CSMD1: variants seen among roughly 807,000 people sequenced by gnomAD.
CSMD1 encodes the protein CUB and sushi domain-containing protein 1.
A neutral mutation model predicts 417.5 loss-of-function variants in CSMD1; 213 were observed. The ratio of observed to expected loss-of-function variants is 0.51; its 90% CI spans 0.46 to 0.57. CSMD1 has a LOEUF of 0.57. CSMD1 is among the 20% of genes least tolerant of loss of function. The pLI is 0.00. For synonymous variants in CSMD1, 2,862 were observed against 1,736.8 expected, an observed-to-expected ratio of 1.65 and a Z score of -16.11; for missense variants, 6,923 against 4,529.7, an observed-to-expected ratio of 1.53 and a Z score of -15.17.
At chr8:4,176,113 G>T (rs978185966) in intron 3 of CSMD1, among the ~76,000 whole-genome samples, 3 of 152,120 alleles carry the variant, frequency 2.0e-5, no homozygotes, top group African/African-American at 7.2e-5. Context: ...CTTGTAGACA[G>T]AAAGTCTCAA....
At chr8:4,939,093 G>T (rs994883727) in intron 1 of CSMD1, among the ~76,000 whole-genome samples, 3 of 152,142 alleles carry the variant, frequency 2.0e-5, no homozygotes, top group African/African-American at 7.2e-5. Flanking sequence ...TCTGCGGGTT[G>T]CCTCTTTATT....
intron 2 of CSMD1, among the ~76,000 whole-genome samples, chr8:4,468,806 A>C (rs1246434657): frequency 6.6e-6 from 1 of 152,158 alleles, no homozygotes; most frequent in African/African-American, 2.4e-5. Flanking sequence ...GATAATCAAT[A>C]ATTATTGTAT....
chr8:4,159,779 G>A (rs369451852), intron 3 of CSMD1, among the ~76,000 whole-genome samples: 1 of 152,104 alleles, frequency 6.6e-6, no homozygotes, highest in Non-Finnish European at 1.5e-5. Flanking sequence ...TAGTAGAGAT[G>A]GGGTTTCACC....
In CSMD1 at chr8:3,107,787, T is replaced by G. The variant is rs531624208; in HGVS notation, c.6766A>C (p.Lys2256Gln). ...FVLNFHAFQL[K>Q]KCQPPPAVPQ... ...ACCGCTGGGGGAGGTTGACATTTCT[T>G]GAGCTGAAATGCTAAATGATTAATG... The change falls in exon 45 of 70, where the codon AAG becomes CAG. Residue 2256 changes from lysine (K) to glutamine (Q), a missense_variant. Physicochemically the swap from Lys to Gln is moderately conservative, Grantham distance 53. Coordinates refer to ENST00000635120, the MANE Select transcript of CSMD1 (RefSeq NM_033225.6). 6.3e-7 allele frequency: 1 copy of G among 1,577,764 alleles called. No homozygotes were observed. Among genetic ancestry groups the G allele is most frequent in the East Asian group, 2.3e-5 (1 of 43,484 alleles).
intron 14 of CSMD1, among the ~76,000 whole-genome samples, chr8:3,406,476 T>C (rs1812349127): frequency 6.6e-6 from 1 of 152,164 alleles, no homozygotes; most frequent in Admixed American, 6.5e-5. Context: ...AAAAGCACTT[T>C]TCATAGGAGC....
intron 7 of CSMD1, among the ~76,000 whole-genome samples, chr8:3,656,921 T>C (rs1252390254): frequency 9.6e-6 from 1 of 104,266 alleles, no homozygotes; most frequent in African/African-American, 4.7e-5. Flanking sequence ...CAAGACTCTG[T>C]CTAAAAAAAA....
At chr8:4,963,641 G>T (rs1809664613) in intron 1 of CSMD1, among the ~76,000 whole-genome samples, 1 of 152,200 alleles carries the variant, frequency 6.6e-6, no homozygotes, top group Non-Finnish European at 1.5e-5. Flanking sequence ...TCAGGTGGAA[G>T]ATAATACGTG....
intron 32 of CSMD1, among the ~76,000 whole-genome samples, 154 bp from the exon 33 acceptor site, chr8:3,199,963 T>G (rs1016674612): frequency 6.6e-6 from 1 of 152,218 alleles, no homozygotes; most frequent in Non-Finnish European, 1.5e-5. Context: ...ATATGTTGTT[T>G]TTATAAAGAT....
chr8:4,536,857 T>A (rs1184014010), intron 2 of CSMD1, among the ~76,000 whole-genome samples: 1 of 152,240 alleles, frequency 6.6e-6, no homozygotes, highest in Non-Finnish European at 1.5e-5. Flanking sequence ...TTTTGCATTT[T>A]GCACAATAGT....
intron 2 of CSMD1, among the ~76,000 whole-genome samples, chr8:4,612,918 T>G (rs1801261907): frequency 6.6e-6 from 1 of 152,152 alleles, no homozygotes; most frequent in African/African-American, 2.4e-5. Context: ...GGCAGAGATT[T>G]TATGTACTAA....
In CSMD1 at chr8:3,408,229, T is replaced by G; in HGVS notation, c.1745-4A>C. 2 of 1,584,050 alleles carry G rather than the reference T, an allele frequency of 1.3e-6. No individual in the cohort carries two copies. Among genetic ancestry groups the G allele is most frequent in the Non-Finnish European group, 1.7e-6 (2 of 1,161,976 alleles). On this transcript the variant is annotated splice_region_variant and splice_polypyrimidine_tract_variant and intron_variant, in intron 13 of 69. Coordinates refer to ENST00000635120, the MANE Select transcript of CSMD1 (RefSeq NM_033225.6). Reference sequence around the variant, plus strand: ...GTAAAGTTGAAGAAACATGAAACTGTGAAGATGCAAATATATTTTCAAACA... The same window carrying G: ...GTAAAGTTGAAGAAACATGAAACTGGGAAGATGCAAATATATTTTCAAACA...
At chr8:4,459,622 GT>G (rs1799688578) in intron 2 of CSMD1, among the ~76,000 whole-genome samples, 1 of 152,148 alleles carries the variant, frequency 6.6e-6, no homozygotes, top group African/African-American at 2.4e-5. Flanking sequence ...AGATCGCATT[GT>G]GGGTTAGAAC....
chr8:3,408,074 C>G lies in CSMD1; in HGVS notation c.1896G>C (p.Glu632Asp). Residue 632 changes from glutamate to aspartate, a missense_variant, in exon 14 of 70, where the codon GAG becomes GAC. Coordinates refer to ENST00000635120, the MANE Select transcript of CSMD1 (RefSeq NM_033225.6). ...TGACCGCGAGAAAGTCAAACTGAGG[C>G]TCAACATCAAAATCATTAAAGATTA... ...IHLIFNDFDV[E>D]PQFDFLAVKD... is the part of the protein sequence containing the mutation. 1 of 1,613,850 alleles carries G rather than the reference C, an allele frequency of 6.2e-7. No individual in the cohort carries two copies. Among genetic ancestry groups the G allele is most frequent in the Non-Finnish European group, 8.5e-7 (1 of 1,179,874 alleles).
chr8:4,035,819 T>C (rs1797586537), intron 3 of CSMD1, among the ~76,000 whole-genome samples: 1 of 152,142 alleles, frequency 6.6e-6, no homozygotes, highest in Admixed American at 6.5e-5. Flanking sequence ...TTTATACATT[T>C]AGTGTACTCT....
At chr8:3,227,229 T>G (rs1348978279) in intron 27 of CSMD1, among the ~76,000 whole-genome samples, 2 of 151,872 alleles carry the variant, frequency 1.3e-5, no homozygotes, top group African/African-American at 4.8e-5. Flanking sequence ...TGAAAACCCA[T>G]CTCTACTAAA....
At chr8:3,505,503 T>C (rs1796787189) in intron 10 of CSMD1, among the ~76,000 whole-genome samples, 1 of 152,206 alleles carries the variant, frequency 6.6e-6, no homozygotes, top group South Asian at 2.1e-4. Flanking sequence ...TGCTTCATTA[T>C]GGCCCCTGTA....
intron 13 of CSMD1, among the ~76,000 whole-genome samples, chr8:3,408,958 T>C (rs1283597516): frequency 6.6e-6 from 1 of 152,198 alleles, no homozygotes; most frequent in Admixed American, 6.5e-5. Context: ...TGAAGCCTTT[T>C]CTACTTGTTA....
At chr8:4,605,890 T>A (rs1314275015) in intron 2 of CSMD1, among the ~76,000 whole-genome samples, 1 of 152,074 alleles carries the variant, frequency 6.6e-6, no homozygotes, top group Non-Finnish European at 1.5e-5. Context: ...GTAGAGACAT[T>A]TGGAATGTTC....
At chr8:3,277,391 G>T (rs533441363) in intron 26 of CSMD1, among the ~76,000 whole-genome samples, 1 of 152,172 alleles carries the variant, frequency 6.6e-6, no homozygotes, top group Admixed American at 6.5e-5. Flanking sequence ...AAGGAAGCCC[G>T]TGAGCAAGGC....
Sources: gnomAD v4.1 joint callset for allele counts (sites outside exome capture counted in the v4.1 genomes callset) on GRCh38, gnomAD v4.1.1 for gene constraint, MANE v1.5 for transcripts, NCBI Gene and HGNC (gene_info 2026-07-23, HGNC 2026-07-21) for gene names.